The following ZFHX3 variants were observed in gnomAD, a reference collection of about 807,000 sequenced individuals.
The protein encoded by ZFHX3 is zinc finger homeobox 3.
Under a neutral mutation model 279.1 loss-of-function variants are expected in ZFHX3, and 42 were observed. The ratio of observed to expected loss-of-function variants is 0.15; its 90% CI spans 0.12 to 0.19. The LOEUF (loss-of-function observed/expected upper bound fraction) is 0.19. Among genes scored for constraint, ZFHX3 ranks in the 10% least tolerant of loss-of-function variants. The pLI, the probability that ZFHX3 is intolerant of heterozygous loss-of-function variation, is 1.00. For synonymous variants in ZFHX3, 2,293 were observed against 1,957.8 expected (o/e 1.17, Z -4.52); for missense variants, 4,981 against 4,754.0 (o/e 1.05, Z -1.40).
intron 7 of ZFHX3, among the ~76,000 whole-genome samples, chr16:73,120,649 C>CTTTTTTTTTTTTTTTT (rs140219846): frequency 9.4e-6 from 1 of 106,202 alleles, no homozygotes. Context: ...ATCCTCTCTA[C>CTTTTTTTTTTTTTTTT]CTTTTTTTTT....
At chr16:73,208,522 C>CAT (rs143579939) in intron 5 of ZFHX3, among the ~76,000 whole-genome samples, 5,975 of 152,200 alleles carry the variant, frequency 0.039, 152 homozygotes, top group Middle Eastern at 0.088. Flanking sequence ...TAGTTGGAAA[C>CAT]ATATTTACAT....
chr16:72,907,869 A>C (rs919839416), intron 3 of ZFHX3, among the ~76,000 whole-genome samples: 1 of 151,790 alleles, frequency 6.6e-6, no homozygotes, highest in African/African-American at 2.4e-5. Flanking sequence ...TTTTTAGTAG[A>C]GATGGGGTCT....
chr16:72,861,390 G>A (rs944261251), intron 4 of ZFHX3, among the ~76,000 whole-genome samples: 1 of 152,162 alleles, frequency 6.6e-6, no homozygotes, highest in Non-Finnish European at 1.5e-5. Context: ...CCTGTTTTGG[G>A]TGCAGTCCCA....
chr16:73,417,829 A>T (rs111333845), intron 3 of ZFHX3, among the ~76,000 whole-genome samples: 55 of 150,992 alleles, frequency 3.6e-4, no homozygotes, highest in East Asian at 9.7e-4. Context: ...AATAAATAAA[A>T]AAATAAAAAA....
chr16:73,636,690 G>A (rs1346293482), intron 2 of ZFHX3, among the ~76,000 whole-genome samples: 1 of 152,138 alleles, frequency 6.6e-6, no homozygotes, highest in Non-Finnish European at 1.5e-5. Flanking sequence ...TATTTAAAAT[G>A]TATTAAATGT....
At chr16:73,456,570 G>C (rs2018375694) in intron 2 of ZFHX3, among the ~76,000 whole-genome samples, 1 of 152,228 alleles carries the variant, frequency 6.6e-6, no homozygotes, top group Non-Finnish European at 1.5e-5. Context: ...ACTATGTTCT[G>C]ATAGGCAAGA....
chr16:73,582,278 A>T (rs1367550188), intron 2 of ZFHX3, among the ~76,000 whole-genome samples: 1 of 151,762 alleles, frequency 6.6e-6, no homozygotes, highest in African/African-American at 2.4e-5. Context: ...AACCCTTATG[A>T]ATATGTTCTT....
At chr16:73,325,111 A>G (rs1389486543) in intron 3 of ZFHX3, among the ~76,000 whole-genome samples, 1 of 152,170 alleles carries the variant, frequency 6.6e-6, no homozygotes, top group Non-Finnish European at 1.5e-5. Context: ...GGATGATAGG[A>G]CAGAAGAAAG....
chr16:73,453,894 C>T (rs1378872014), intron 3 of ZFHX3, among the ~76,000 whole-genome samples: 2 of 152,124 alleles, frequency 1.3e-5, no homozygotes, highest in Non-Finnish European at 2.9e-5. Flanking sequence ...AAAAGACCCA[C>T]CCTTATGATT....
At chr16:73,578,518 G>C (rs1345184945) in intron 2 of ZFHX3, among the ~76,000 whole-genome samples, 1 of 152,120 alleles carries the variant, frequency 6.6e-6, no homozygotes, top group African/African-American at 2.4e-5. Context: ...TTCTGAAAGA[G>C]GAGAATATAA....
chr16:73,513,634 T>A (rs1160281675), intron 2 of ZFHX3, among the ~76,000 whole-genome samples: 1 of 151,982 alleles, frequency 6.6e-6, no homozygotes, highest in Non-Finnish European at 1.5e-5. Flanking sequence ...GGGTCCTCAA[T>A]TTGGAGTGAG....
intron 1 of ZFHX3, among the ~76,000 whole-genome samples, chr16:73,833,673 C>T (rs1961060551): frequency 6.6e-6 from 1 of 151,716 alleles, no homozygotes; most frequent in Admixed American, 6.6e-5. Flanking sequence ...TTGATGGGTG[C>T]AGCAAACCAC....
At chr16:73,480,348 G>T (rs1194100354) in intron 2 of ZFHX3, among the ~76,000 whole-genome samples, 2 of 152,106 alleles carry the variant, frequency 1.3e-5, no homozygotes, top group African/African-American at 4.8e-5. Context: ...TGTTTGGATG[G>T]GTTTTGCTTT....
At chr16:72,938,371 T>G (rs369421488) in intron 3 of ZFHX3, among the ~76,000 whole-genome samples, 1 of 152,372 alleles carries the variant, frequency 6.6e-6, no homozygotes, top group African/African-American at 2.4e-5. Context: ...GCTGTGTAAT[T>G]AGTCTCCCCT....
chr16:72,878,683 G>A (rs2038382340), intron 4 of ZFHX3, among the ~76,000 whole-genome samples: 1 of 152,152 alleles, frequency 6.6e-6, no homozygotes, highest in East Asian at 1.9e-4. Flanking sequence ...CCCACCCCTG[G>A]GGCAAAGTGC....
intron 2 of ZFHX3, among the ~76,000 whole-genome samples, chr16:73,676,029 A>G (rs2052950743): frequency 6.6e-6 from 1 of 152,084 alleles, no homozygotes; most frequent in African/African-American, 2.4e-5. Flanking sequence ...TTCTTGAAAA[A>G]TTATCTAAAG....
At chr16:72,799,629 G>A (rs1417438102) in intron 8 of ZFHX3, among the ~76,000 whole-genome samples, 1 of 152,278 alleles carries the variant, frequency 6.6e-6, no homozygotes, top group African/African-American at 2.4e-5. Flanking sequence ...AACTCAGAAC[G>A]AAAGACAACT....
chr16:73,783,217 T>C, intron 1 of ZFHX3, among the ~76,000 whole-genome samples: 1 of 152,194 alleles, frequency 6.6e-6, no homozygotes, highest in Non-Finnish European at 1.5e-5. Flanking sequence ...AATGTGCTTA[T>C]AAAGGCCCAA....
At chr16:73,577,932 T>C (rs776399865) in intron 2 of ZFHX3, among the ~76,000 whole-genome samples, 4 of 152,212 alleles carry the variant, frequency 2.6e-5, no homozygotes, top group Non-Finnish European at 5.9e-5. Context: ...AGTGGTCATT[T>C]CACTGATTCT....
Sources: allele counts gnomAD v4.1 joint callset (sites outside exome capture counted in the v4.1 genomes callset), GRCh38; gene constraint gnomAD v4.1.1; transcripts MANE v1.5; gene names NCBI Gene and HGNC (gene_info 2026-07-23, HGNC 2026-07-21).